The following ANO10 variants were observed in gnomAD, a reference collection of about 807,000 sequenced individuals.
ANO10 encodes anoctamin 10, also known as anoctamin-10.
Under a neutral mutation model 74.7 loss-of-function variants are expected in ANO10, and 77 were observed. That is an observed-to-expected ratio of 1.03 (90% CI 0.86 to 1.25). The LOEUF (loss-of-function observed/expected upper bound fraction) is 1.25. Among genes scored for constraint, ANO10 ranks in the 50% most tolerant of loss-of-function variants. ANO10 has a pLI of 0.00. For missense variants in ANO10, 721 were observed against 778.1 expected (o/e 0.93, Z 0.87); for synonymous variants, 279 against 284.9 (o/e 0.98, Z 0.21).
At chr3:43,502,990 G>T (rs1228680715) in intron 11 of ANO10, among the ~76,000 whole-genome samples, 5 of 152,156 alleles carry the variant, frequency 3.3e-5, no homozygotes, top group African/African-American at 2.4e-5. Flanking sequence ...AAGATGAAAA[G>T]AATTATAGAG....
At chr3:43,482,087 C>T (rs1475657790) in intron 11 of ANO10, among the ~76,000 whole-genome samples, 1 of 151,842 alleles carries the variant, frequency 6.6e-6, no homozygotes, top group Non-Finnish European at 1.5e-5. Context: ...TGCCACCACC[C>T]CCAGCTAATT....
intron 12 of ANO10, among the ~76,000 whole-genome samples, chr3:43,423,806 G>A (rs979030330): frequency 1.3e-5 from 2 of 152,144 alleles, no homozygotes; most frequent in African/African-American, 2.4e-5. Flanking sequence ...AGAGACACTG[G>A]CACATGCAAA....
intron 1 of ANO10, among the ~76,000 whole-genome samples, chr3:43,655,511 G>A (rs1279646465): frequency 1.3e-5 from 2 of 152,226 alleles, no homozygotes; most frequent in African/African-American, 4.8e-5. Context: ...GCCACTGCTG[G>A]CTGGGGCAGC....
chr3:43,660,185 C>A (rs540923576), intron 1 of ANO10, among the ~76,000 whole-genome samples: 106 of 152,290 alleles, frequency 7.0e-4, no homozygotes, highest in Admixed American at 2.7e-3. Context: ...CAGAATGACT[C>A]TTCTGTTCCA....
chr3:43,539,654 C>G lies in ANO10; in HGVS notation c.1797+10066G>C, dbSNP rs149792174. Among the ~76,000 whole-genome samples, 835 of 152,220 alleles carry G rather than the reference C, an allele frequency of 5.5e-3. 6 individuals carry two copies. The highest frequency in any genetic ancestry group is 0.019 in the African/African-American group (803 of 41,536). On this transcript the variant is annotated intron_variant, in intron 11 of 12. Coordinates refer to ENST00000292246, the MANE Select transcript of ANO10 (RefSeq NM_018075.5). ...GCAACAGTCCTCAAAGATGAATAAC[C>G]CAAATCAGTTTTTTGTTTGTGGATA...
chr3:43,375,871 ATT>A (rs1424083022), intron 12 of ANO10, among the ~76,000 whole-genome samples: 1 of 152,182 alleles, frequency 6.6e-6, no homozygotes, highest in Non-Finnish European at 1.5e-5. Context: ...TTGTTTGTTC[ATT>A]TTTGTTTGTT....
chr3:43,599,955 C>T (rs1319662940), intron 3 of ANO10, among the ~76,000 whole-genome samples: 7 of 151,490 alleles, frequency 4.6e-5, no homozygotes, highest in Admixed American at 3.9e-4. Context: ...ATTTTGTTGA[C>T]TTAGAATTGA....
At chr3:43,461,288 G>A (rs573912293) in intron 11 of ANO10, among the ~76,000 whole-genome samples, 2 of 152,060 alleles carry the variant, frequency 1.3e-5, no homozygotes, top group South Asian at 4.2e-4. Context: ...AACAAATAAG[G>A]AACAAAATTA....
At chr3:43,654,996 ATATAGGTGTTAGATT>A (rs2083831335) in intron 1 of ANO10, among the ~76,000 whole-genome samples, 2 of 152,348 alleles carry the variant, frequency 1.3e-5, no homozygotes, top group South Asian at 4.1e-4. Flanking sequence ...TAGAAGCAAA[ATATAGGTGTTAGATT>A]AATTCCATAA....
chr3:43,637,527 G>T (rs1339458399), intron 1 of ANO10: 2 of 151,272 alleles, frequency 1.3e-5, no homozygotes, highest in East Asian at 1.9e-4. Flanking sequence ...GCATCACGGA[G>T]AATTAGGACC....
chr3:43,368,177 T>C (rs1329604873), intron 12 of ANO10, among the ~76,000 whole-genome samples: 2 of 152,138 alleles, frequency 1.3e-5, no homozygotes, highest in East Asian at 3.9e-4. Flanking sequence ...GCATTTGGCT[T>C]GGGGAGGGGA....
chr3:43,672,696 ATTTC>A (rs2084074912), intron 1 of ANO10, among the ~76,000 whole-genome samples: 3 of 151,920 alleles, frequency 2.0e-5, no homozygotes, highest in African/African-American at 7.3e-5. Context: ...TTTGTCATCC[ATTTC>A]TTTGTGTATT....
chr3:43,366,080 C>T lies in ANO10; in HGVS notation c.*826G>A, dbSNP rs1037239173. ...CTGCAAGCCCAAGCCCAGGCCAGGG[C>T]ACCAGGAGTGGCTGCTGGCCCTTGG... On this transcript the variant is annotated 3_prime_UTR_variant, in exon 13 of 13. Coordinates refer to ENST00000292246, the MANE Select transcript of ANO10 (RefSeq NM_018075.5). 1 of 152,696 alleles carries T rather than the reference C, an allele frequency of 6.5e-6. No individual in the cohort carries two copies. Among genetic ancestry groups the T allele is most frequent in the South Asian group, 2.1e-4 (1 of 4,836 alleles). The allele number at this position is 152,696 out of a possible 1,614,324, so 9.5% of individuals were successfully genotyped here. A position where few individuals can be genotyped will look rare whatever the true frequency, so the allele number is the denominator to read the frequency against.
chr3:43,369,309 C>A (rs1032986212), intron 12 of ANO10, among the ~76,000 whole-genome samples: 13 of 152,238 alleles, frequency 8.5e-5, no homozygotes, highest in Admixed American at 7.2e-4. Context: ...CAGGGCAGCA[C>A]CTAAGAGCCT....
At chr3:43,409,226 G>C (rs1302841941) in intron 12 of ANO10, among the ~76,000 whole-genome samples, 1 of 152,034 alleles carries the variant, frequency 6.6e-6, no homozygotes, top group African/African-American at 2.4e-5. Context: ...TGAAAATGAA[G>C]GAATCTATGA....
At chr3:43,370,119 G>A (rs1190637166) in intron 12 of ANO10, among the ~76,000 whole-genome samples, 2 of 152,174 alleles carry the variant, frequency 1.3e-5, no homozygotes, top group Non-Finnish European at 2.9e-5. Flanking sequence ...AGAGGAGGCT[G>A]AGCCCTAACC....
intron 1 of ANO10, among the ~76,000 whole-genome samples, chr3:43,615,483 T>A (rs2083050809): frequency 6.6e-6 from 1 of 152,236 alleles, no homozygotes; most frequent in East Asian, 1.9e-4. Context: ...TATTTTATTA[T>A]TTACTTTTTT....
intron 1 of ANO10, among the ~76,000 whole-genome samples, chr3:43,646,648 C>T (rs1228394788): frequency 3.3e-5 from 5 of 152,176 alleles, no homozygotes; most frequent in East Asian, 1.9e-4. Context: ...TGGGATTACA[C>T]GTGCCTGCCA....
At chr3:43,398,922 G>T (rs1446273613) in intron 12 of ANO10, among the ~76,000 whole-genome samples, 1 of 152,156 alleles carries the variant, frequency 6.6e-6, no homozygotes, top group Non-Finnish European at 1.5e-5. Flanking sequence ...TCTGCCTTCT[G>T]GGCTGATGTG....
Sources: gnomAD v4.1 joint callset for allele counts (sites outside exome capture counted in the v4.1 genomes callset) on GRCh38, gnomAD v4.1.1 for gene constraint, MANE v1.5 for transcripts, NCBI Gene and HGNC (gene_info 2026-07-23, HGNC 2026-07-21) for gene names.